NAALADL2: variants seen among roughly 807,000 people sequenced by gnomAD.
NAALADL2 encodes the protein N-acetylated alpha-linked acidic dipeptidase like 2, also known as inactive N-acetylated-alpha-linked acidic dipeptidase-like protein 2.
In NAALADL2, 76 loss-of-function variants were observed where a neutral mutation model predicts 87.2. The ratio of observed to expected loss-of-function variants is 0.87; its 90% CI spans 0.72 to 1.05. The LOEUF (loss-of-function observed/expected upper bound fraction) is 1.05, where lower values mean the gene tolerates loss of function less well. Among genes scored for constraint, NAALADL2 ranks in the 50% least tolerant of loss-of-function variants. NAALADL2 has a pLI of 0.00. For missense variants in NAALADL2, 1,089 were observed against 945.8 expected, an observed-to-expected ratio of 1.15 and a Z score of -1.99; for synonymous variants, 354 against 331.0, an observed-to-expected ratio of 1.07 and a Z score of -0.75.
chr3:175,607,945 C>A (rs1223103065), intron 10 of NAALADL2, among the ~76,000 whole-genome samples: 4 of 65,054 alleles, frequency 6.1e-5, no homozygotes, highest in Non-Finnish European at 1.5e-4. Flanking sequence ...CATATTCAAT[C>A]TGAAATTTGA....
chr3:175,096,068 G>T (rs1721106629), intron 1 of NAALADL2, among the ~76,000 whole-genome samples: 1 of 151,998 alleles, frequency 6.6e-6, no homozygotes, highest in Non-Finnish European at 1.5e-5. Flanking sequence ...TTCCTCTTTG[G>T]ATTGATGCCA....
intron 1 of NAALADL2, among the ~76,000 whole-genome samples, chr3:175,029,543 A>G (rs1246139717): frequency 1.3e-5 from 2 of 152,120 alleles, no homozygotes; most frequent in Non-Finnish European, 2.9e-5. Context: ...ATATATATAC[A>G]CAAACTGAAA....
At chr3:174,665,303 T>C (rs1725863000) in intron 2 of NAALADL2, among the ~76,000 whole-genome samples, 2 of 152,266 alleles carry the variant, frequency 1.3e-5, no homozygotes, top group Admixed American at 1.3e-4. Context: ...GGTAACACAT[T>C]GTACATGGAA....
At chr3:175,612,205 A>C (rs1318009620) in intron 10 of NAALADL2, among the ~76,000 whole-genome samples, 1 of 152,202 alleles carries the variant, frequency 6.6e-6, no homozygotes, top group Non-Finnish European at 1.5e-5. Context: ...ATGAAATCCC[A>C]TGGGGTGAGC....
chr3:175,166,285 C>T (rs1299700510), intron 2 of NAALADL2, among the ~76,000 whole-genome samples: 14 of 151,988 alleles, frequency 9.2e-5, no homozygotes, highest in African/African-American at 3.1e-4. Context: ...GACAAATCTG[C>T]TTTTATTCTG....
chr3:175,588,089 A>T lies in NAALADL2; in HGVS notation c.1800+11902A>T, dbSNP rs1247128973. On this transcript the variant is annotated intron_variant, in intron 10 of 13. Transcript: ENST00000454872. The stretch of plus-strand genomic sequence containing the variant: ...TTTAACTTTGAAAAACCTTGGGGTA[A>T]AAAAAAAAAAAAATGCCTAGACTGT... Among the ~76,000 whole-genome samples the T allele has an allele frequency of 2.6e-3, 338 of 132,366 alleles. 2 individuals are homozygous for T. Among genetic ancestry groups the T allele is most frequent in the Middle Eastern group, 0.019 (5 of 260 alleles). 86.8% of individuals were successfully genotyped at this position (132,366 alleles called of 152,430 possible). A position where few individuals can be genotyped will look rare whatever the true frequency, so the allele number is the denominator to read the frequency against.
chr3:175,745,232 T>G (rs149100963), intron 12 of NAALADL2, among the ~76,000 whole-genome samples: 103 of 152,352 alleles, frequency 6.8e-4, no homozygotes, highest in African/African-American at 2.1e-3. Flanking sequence ...TCACTTTGAC[T>G]GAGTAACCTT....
intron 3 of NAALADL2, among the ~76,000 whole-genome samples, chr3:174,847,321 A>G (rs927481723): frequency 1.6e-4 from 25 of 152,336 alleles, no homozygotes; most frequent in African/African-American, 6.0e-4. Flanking sequence ...ACCAACCAAC[A>G]TAAGTTCCAA....
intron 2 of NAALADL2, among the ~76,000 whole-genome samples, chr3:175,121,716 G>T (rs527295012): frequency 6.6e-6 from 1 of 151,798 alleles, no homozygotes; most frequent in Non-Finnish European, 1.5e-5. Context: ...TCCCTATGCA[G>T]GTCCTCATTC....
chr3:175,507,244 G>A (rs1273393871), intron 9 of NAALADL2, among the ~76,000 whole-genome samples: 1 of 151,942 alleles, frequency 6.6e-6, no homozygotes, highest in Non-Finnish European at 1.5e-5. Context: ...CCTGTTTCTA[G>A]GTCTTTGATC....
chr3:174,872,361 G>A (rs1727935390), intron 1 of NAALADL2, among the ~76,000 whole-genome samples: 1 of 152,100 alleles, frequency 6.6e-6, no homozygotes, highest in African/African-American at 2.4e-5. Context: ...ACTTACTCAG[G>A]ATTATGCAGA....
intron 3 of NAALADL2, among the ~76,000 whole-genome samples, chr3:174,748,281 C>T (rs1214922745): frequency 1.3e-5 from 2 of 151,762 alleles, no homozygotes; most frequent in African/African-American, 4.8e-5. Context: ...ATGTAAGGAA[C>T]CTGTATGTCC....
At chr3:175,567,640 T>G (rs180821839) in intron 9 of NAALADL2, among the ~76,000 whole-genome samples, 6 of 152,238 alleles carry the variant, frequency 3.9e-5, no homozygotes, top group African/African-American at 1.2e-4. Flanking sequence ...TAAGTAGGTT[T>G]TAAATCTTTG....
intron 3 of NAALADL2, among the ~76,000 whole-genome samples, chr3:174,806,035 T>C (rs1032093111): frequency 1.3e-5 from 2 of 152,214 alleles, no homozygotes; most frequent in African/African-American, 2.4e-5. Flanking sequence ...ATTTATAGTA[T>C]AAAATAATTG....
chr3:174,664,326 G>A (rs1181541912), intron 2 of NAALADL2, among the ~76,000 whole-genome samples: 6 of 152,156 alleles, frequency 3.9e-5, no homozygotes, highest in Admixed American at 2.0e-4. Flanking sequence ...TTTAGCGATC[G>A]GACATATTGC....
At chr3:174,476,663 A>G (rs1373591779) in intron 1 of NAALADL2, among the ~76,000 whole-genome samples, 1 of 152,102 alleles carries the variant, frequency 6.6e-6, no homozygotes, top group African/African-American at 2.4e-5. Flanking sequence ...TTCATGTTAT[A>G]GAAATGCTAA....
At position 175,044,870 on chromosome 3, in the gene NAALADL2, G is replaced by T. The variant is rs114394134; in HGVS notation, c.44-51920G>T. On this transcript the variant is annotated intron_variant, in intron 1 of 13. Transcript: ENST00000454872. Reference sequence around the variant, plus strand: ...ATTACTCTCTTTATTATATTTTTCTGTTGGTGGAGTCTCTCCTTGATTAAT... The same window carrying T: ...ATTACTCTCTTTATTATATTTTTCTTTTGGTGGAGTCTCTCCTTGATTAAT... 2.6e-3 allele frequency among the ~76,000 whole-genome samples: 395 copies of T among 150,600 alleles called. 1 individual carries two copies. Among genetic ancestry groups the T allele is most frequent in the African/African-American group, 8.8e-3 (363 of 41,132 alleles).
At chr3:174,938,456 T>C (rs1738040698) in intron 1 of NAALADL2, among the ~76,000 whole-genome samples, 1 of 152,230 alleles carries the variant, frequency 6.6e-6, no homozygotes, top group South Asian at 2.1e-4. Flanking sequence ...TCCATGTCTT[T>C]ACTATTGTGA....
intron 9 of NAALADL2, among the ~76,000 whole-genome samples, chr3:175,491,896 A>T (rs575209438): frequency 1.3e-5 from 2 of 152,304 alleles, no homozygotes; most frequent in South Asian, 4.1e-4. Flanking sequence ...TACTAAAATT[A>T]TGATCGGAAT....
Sources: gnomAD v4.1 joint callset for allele counts (sites outside exome capture counted in the v4.1 genomes callset) on GRCh38, gnomAD v4.1.1 for gene constraint, MANE v1.5 for transcripts, NCBI Gene and HGNC (gene_info 2026-07-23, HGNC 2026-07-21) for gene names.